The following CFAP299 variants were observed in gnomAD, a reference collection of about 807,000 sequenced individuals.
The protein encoded by CFAP299 is cilia and flagella associated protein 299, also known as cilia- and flagella-associated protein 299.
In CFAP299, 21 loss-of-function variants were observed where a neutral mutation model predicts 27.0. That is an observed-to-expected ratio of 0.78 (90% CI 0.55 to 1.12). The LOEUF is 1.12. Ranked by LOEUF, CFAP299 falls within the 50% of genes most tolerant of loss-of-function variation. The pLI is 0.00. For synonymous variants in CFAP299, 104 were observed against 98.1 expected (o/e 1.06, Z -0.36); for missense variants, 310 against 276.6 (o/e 1.12, Z -0.86).
intron 3 of CFAP299, among the ~76,000 whole-genome samples, chr4:80,782,675 T>C (rs1302288699): frequency 7.9e-6 from 1 of 126,440 alleles, no homozygotes; most frequent in Non-Finnish European, 1.7e-5. Flanking sequence ...ATATATAATA[T>C]ACATATATGA....
In CFAP299 at chr4:80,460,835, A is replaced by G. The variant is rs559042692; in HGVS notation, c.242+97951A>G. Among the ~76,000 whole-genome samples, 6 of 152,328 alleles carry G rather than the reference A, an allele frequency of 3.9e-5. No individual in the cohort carries two copies. The South Asian group carries it at 1.0e-3, about 26-fold the overall frequency. ...CCAAAGAAAAAAGTCAAACTCTGTA[A>G]AATATTTGAAGAGACTTATTCTGAG... On this transcript the variant is annotated intron_variant, in intron 2 of 5. Coordinates refer to ENST00000358105, the MANE Select transcript of CFAP299 (RefSeq NM_152770.3).
chr4:80,585,876 TGATTACTTAGGA>T (rs1736411252), intron 3 of CFAP299, among the ~76,000 whole-genome samples: 1 of 152,102 alleles, frequency 6.6e-6, no homozygotes, highest in African/African-American at 2.4e-5. Context: ...ATAGATTGAG[TGATTACTTAGGA>T]GATAAAATCT....
chr4:80,442,555 C>T (rs1728410196), intron 2 of CFAP299, among the ~76,000 whole-genome samples: 1 of 152,090 alleles, frequency 6.6e-6, no homozygotes, highest in Admixed American at 6.5e-5. Flanking sequence ...ACAGCTAAAG[C>T]AGTGTTTAGA....
intron 2 of CFAP299, among the ~76,000 whole-genome samples, chr4:80,497,615 T>A (rs887730725): frequency 1.3e-5 from 2 of 152,124 alleles, no homozygotes; most frequent in African/African-American, 4.8e-5. Context: ...TACCCTACAT[T>A]TTTTGCCCCT....
chr4:80,673,063 G>A (rs1741593561), intron 3 of CFAP299, among the ~76,000 whole-genome samples: 2 of 151,636 alleles, frequency 1.3e-5, no homozygotes, highest in African/African-American at 2.4e-5. Flanking sequence ...TTTTGAATGT[G>A]TTTGCTCTTG....
chr4:80,479,699 A>G (rs1730459124), intron 2 of CFAP299, among the ~76,000 whole-genome samples: 1 of 152,026 alleles, frequency 6.6e-6, no homozygotes, highest in African/African-American at 2.4e-5. Flanking sequence ...GATTCACACT[A>G]GATAGTTAAA....
At chr4:80,618,886 C>G (rs1475676674) in intron 3 of CFAP299, among the ~76,000 whole-genome samples, 1 of 151,674 alleles carries the variant, frequency 6.6e-6, no homozygotes, top group Admixed American at 6.6e-5. Flanking sequence ...AAATGCTTTC[C>G]AATAATAGAA....
intron 4 of CFAP299, among the ~76,000 whole-genome samples, chr4:80,941,098 T>A (rs1219422812): frequency 6.6e-6 from 1 of 152,158 alleles, no homozygotes; most frequent in African/African-American, 2.4e-5. Context: ...TCTATATTTT[T>A]AGTCATCTCT....
At chr4:80,865,466 C>T (rs1560453491) in intron 3 of CFAP299, among the ~76,000 whole-genome samples, 1 of 152,134 alleles carries the variant, frequency 6.6e-6, no homozygotes, top group Non-Finnish European at 1.5e-5. Flanking sequence ...GTTATCATTT[C>T]TTCTGCCTCT....
intron 3 of CFAP299, among the ~76,000 whole-genome samples, chr4:80,693,752 C>T (rs889494296): frequency 2.7e-5 from 4 of 150,186 alleles, no homozygotes; most frequent in East Asian, 1.9e-4. Context: ...GTGATCTAAG[C>T]GTGGCTTGGT....
chr4:80,581,476 A>ATATATATATATATATG (rs1167617638), intron 2 of CFAP299, among the ~76,000 whole-genome samples: 3 of 139,088 alleles, frequency 2.2e-5, no homozygotes, highest in African/African-American at 8.4e-5. Context: ...ATATATATAT[A>ATATATATATATATATG]TATATATATA....
intron 2 of CFAP299, among the ~76,000 whole-genome samples, chr4:80,522,347 GTTAT>G (rs1487267155): frequency 6.6e-6 from 1 of 151,794 alleles, no homozygotes; most frequent in East Asian, 1.9e-4. Context: ...TTTAAACCAG[GTTAT>G]TTGTTTTTAT....
At chr4:80,556,480 G>A (rs1420873623) in intron 2 of CFAP299, among the ~76,000 whole-genome samples, 1 of 151,800 alleles carries the variant, frequency 6.6e-6, no homozygotes, top group Admixed American at 6.6e-5. Flanking sequence ...TACAATCCTG[G>A]AACACATATG....
chr4:80,931,805 A>G (rs1397671781), intron 4 of CFAP299, among the ~76,000 whole-genome samples: 1 of 152,046 alleles, frequency 6.6e-6, no homozygotes, highest in Non-Finnish European at 1.5e-5. Context: ...TTTCAATCCT[A>G]CTCTAACACA....
rs1725286687 is a variant in CFAP299 at position 80,390,537 on chromosome 4, GT to G, written c.242+27654del. On this transcript the variant is annotated intron_variant, in intron 2 of 5. Coordinates refer to ENST00000358105, the MANE Select transcript of CFAP299 (RefSeq NM_152770.3). The stretch of plus-strand genomic sequence containing the variant: ...CACATATATGTATATATGTATATAT[GT>G]ATACACACATATATGTATATATGTA... 1.3e-4 allele frequency among the ~76,000 whole-genome samples: 5 copies of G among 39,540 alleles called. No individual in the cohort carries two copies. The South Asian group carries it at 4.2e-3, about 33-fold the overall frequency. The allele number at this position is 39,540 out of a possible 152,430, so 25.9% of individuals were successfully genotyped here. A position where few individuals can be genotyped will look rare whatever the true frequency, so the allele number is the denominator to read the frequency against.
At chr4:80,532,178 A>T (rs1733512007) in intron 2 of CFAP299, among the ~76,000 whole-genome samples, 2 of 152,172 alleles carry the variant, frequency 1.3e-5, no homozygotes, top group Admixed American at 6.5e-5. Context: ...GAGAAGCAAA[A>T]TCCATCTTAA....
At chr4:80,687,912 CAAAG>C (rs1328824669) in intron 3 of CFAP299, among the ~76,000 whole-genome samples, 1 of 152,156 alleles carries the variant, frequency 6.6e-6, no homozygotes, top group Non-Finnish European at 1.5e-5. Flanking sequence ...CTTTCATAGT[CAAAG>C]AAAGGGGTGA....
intron 3 of CFAP299, among the ~76,000 whole-genome samples, chr4:80,848,761 G>A (rs1560443124): frequency 6.6e-6 from 1 of 152,080 alleles, no homozygotes; most frequent in Non-Finnish European, 1.5e-5. Context: ...AGGTGACAGA[G>A]CAATACCCTG....
At chr4:80,620,676 A>G (rs1738544674) in intron 3 of CFAP299, among the ~76,000 whole-genome samples, 1 of 152,084 alleles carries the variant, frequency 6.6e-6, no homozygotes, top group Non-Finnish European at 1.5e-5. Context: ...AGCCATCTTC[A>G]ATCAACTTTA....
Sources: allele counts gnomAD v4.1 joint callset (sites outside exome capture counted in the v4.1 genomes callset), GRCh38; gene constraint gnomAD v4.1.1; transcripts MANE v1.5; gene names NCBI Gene and HGNC (gene_info 2026-07-23, HGNC 2026-07-21).